The following GLIS3 variants were observed in gnomAD, a reference collection of about 807,000 sequenced individuals.
GLIS3 encodes the protein zinc finger protein GLIS3.
Under a neutral mutation model 78.6 loss-of-function variants are expected in GLIS3, and 53 were observed. That is an observed-to-expected ratio of 0.67 (90% CI 0.54 to 0.85). GLIS3 has a LOEUF of 0.85. Ranked by LOEUF, GLIS3 falls within the 40% of genes least tolerant of loss-of-function variation. The pLI, the probability that GLIS3 is intolerant of heterozygous loss-of-function variation, is 0.00. For synonymous variants in GLIS3, 684 were observed against 509.9 expected (o/e 1.34, Z -4.60); for missense variants, 1,703 against 1,231.1 (o/e 1.38, Z -5.74).
intron 2 of GLIS3, among the ~76,000 whole-genome samples, chr9:4,311,918 T>A (rs1433971562): frequency 1.3e-5 from 2 of 151,358 alleles, no homozygotes; most frequent in African/African-American, 4.8e-5. Context: ...TTCTTGGAAG[T>A]GGAAACTACA....
intron 9 of GLIS3, among the ~76,000 whole-genome samples, chr9:3,839,613 A>C (rs1818594979): frequency 6.6e-6 from 1 of 151,994 alleles, no homozygotes; most frequent in South Asian, 2.1e-4. Flanking sequence ...AAGTTAAAAT[A>C]ACTGAATTTA....
chr9:4,362,348 C>T, the GLIS3 span, among the ~76,000 whole-genome samples: 21 of 152,114 alleles, frequency 1.4e-4, no homozygotes, highest in Non-Finnish European at 1.9e-4. Flanking sequence ...CTGGCTTGTG[C>T]ACAACTGGAA....
At chr9:4,252,779 T>C (rs556658325) in intron 2 of GLIS3, among the ~76,000 whole-genome samples, 30 of 152,208 alleles carry the variant, frequency 2.0e-4, no homozygotes, top group Non-Finnish European at 3.8e-4. Context: ...GTTGGTGACC[T>C]TTGCGTGGGG....
At chr9:3,927,944 G>A (rs946439515) in intron 6 of GLIS3, among the ~76,000 whole-genome samples, 1 of 152,120 alleles carries the variant, frequency 6.6e-6, no homozygotes, top group Non-Finnish European at 1.5e-5. Context: ...AAAAACACTG[G>A]TGTTACAAAA....
intron 4 of GLIS3, among the ~76,000 whole-genome samples, chr9:4,060,014 G>T (rs533255870): frequency 6.6e-6 from 1 of 152,194 alleles, no homozygotes; most frequent in African/African-American, 2.4e-5. Context: ...TTTAAGGCAT[G>T]TTGAATTCCG....
intron 6 of GLIS3, among the ~76,000 whole-genome samples, chr9:3,914,198 T>G (rs1588214312): frequency 1.3e-5 from 2 of 152,122 alleles, no homozygotes; most frequent in African/African-American, 4.8e-5. Context: ...CAGGCTGGAG[T>G]GCAATGGCGT....
chr9:4,015,537 C>A (rs1158125663), intron 4 of GLIS3, among the ~76,000 whole-genome samples: 1 of 152,164 alleles, frequency 6.6e-6, no homozygotes, highest in African/African-American at 2.4e-5. Flanking sequence ...CCCATCCTCC[C>A]ATCCCAAATA....
chr9:4,410,501 ACATTT>A, the GLIS3 span, among the ~76,000 whole-genome samples: 4 of 152,200 alleles, frequency 2.6e-5, no homozygotes, highest in African/African-American at 9.6e-5. Context: ...ATGATTGAAA[ACATTT>A]CATAAGAATT....
At chr9:4,338,624 C>T (rs1003540455) in intron 2 of GLIS3, among the ~76,000 whole-genome samples, 3 of 152,152 alleles carry the variant, frequency 2.0e-5, no homozygotes, top group Admixed American at 2.0e-4. Flanking sequence ...GACTTGTTCA[C>T]AGGCATTGTT....
intron 2 of GLIS3, among the ~76,000 whole-genome samples, chr9:4,211,393 G>A (rs1192647614): frequency 6.6e-6 from 1 of 152,176 alleles, no homozygotes; most frequent in Non-Finnish European, 1.5e-5. Context: ...CACACTCAGT[G>A]CAGAAAGAGA....
chr9:4,341,197 C>G (rs1587394965), intron 2 of GLIS3, among the ~76,000 whole-genome samples: 1 of 152,218 alleles, frequency 6.6e-6, no homozygotes, highest in Non-Finnish European at 1.5e-5. Context: ...TAGGACAAAA[C>G]AAGACTGCTC....
At chr9:4,401,495 C>T in the GLIS3 span, among the ~76,000 whole-genome samples, 1 of 151,716 alleles carries the variant, frequency 6.6e-6, no homozygotes, top group East Asian at 1.9e-4. Flanking sequence ...AAATCTCAAC[C>T]TCGGGTAATC....
At chr9:4,131,998 C>G (rs578229290) in intron 2 of GLIS3, among the ~76,000 whole-genome samples, 350 of 150,412 alleles carry the variant, frequency 2.3e-3, no homozygotes, top group Non-Finnish European at 3.8e-3. Flanking sequence ...GTTTAATTCT[C>G]TTCTCATTTC....
the GLIS3 span, among the ~76,000 whole-genome samples, chr9:4,409,165 C>T: frequency 1.3e-5 from 2 of 152,244 alleles, no homozygotes; most frequent in East Asian, 3.9e-4. Context: ...TAAGCAAGAC[C>T]TTAACTTCTC....
At chr9:4,151,859 G>A (rs1263157776) in intron 2 of GLIS3, among the ~76,000 whole-genome samples, 2 of 152,136 alleles carry the variant, frequency 1.3e-5, no homozygotes, top group Non-Finnish European at 2.9e-5. Flanking sequence ...TTTGGAAGGC[G>A]ACAGAATGAA....
intron 8 of GLIS3, among the ~76,000 whole-genome samples, chr9:3,869,942 C>T (rs923405474): frequency 6.6e-6 from 1 of 152,096 alleles, no homozygotes; most frequent in African/African-American, 2.4e-5. Context: ...GCATCGAGAA[C>T]TAAACTGAGC....
At chr9:4,196,145 G>A (rs1586944096) in intron 2 of GLIS3, among the ~76,000 whole-genome samples, 1 of 151,556 alleles carries the variant, frequency 6.6e-6, no homozygotes, top group East Asian at 2.0e-4. Context: ...ATCTAGTGGG[G>A]ACTTGGAGAA....
At chr9:4,264,190 C>T in intron 2 of GLIS3, among the ~76,000 whole-genome samples, 1 of 152,186 alleles carries the variant, frequency 6.6e-6, no homozygotes, top group East Asian at 1.9e-4. Context: ...ACTACATGTT[C>T]AAACCAAACA....
intron 2 of GLIS3, among the ~76,000 whole-genome samples, chr9:4,178,079 T>C (rs1161942624): frequency 1.3e-5 from 2 of 152,196 alleles, no homozygotes; most frequent in African/African-American, 4.8e-5. Context: ...AAGCCCCACA[T>C]TTCAGAACAT....
Sources: gnomAD v4.1 joint callset for allele counts (sites outside exome capture counted in the v4.1 genomes callset) on GRCh38, gnomAD v4.1.1 for gene constraint, MANE v1.5 for transcripts, NCBI Gene and HGNC (gene_info 2026-07-23, HGNC 2026-07-21) for gene names.